The following ARHGEF18 variants were observed in gnomAD, a reference collection of about 807,000 sequenced individuals.
The protein encoded by ARHGEF18 is rho guanine nucleotide exchange factor 18.
A neutral mutation model predicts 155.7 loss-of-function variants in ARHGEF18; 93 were observed. The observed-to-expected ratio is 0.60, with a 90% CI of 0.50 to 0.71. The LOEUF is 0.71. Among genes scored for constraint, ARHGEF18 ranks in the 30% least tolerant of loss-of-function variants. ARHGEF18 has a pLI of 0.00. For missense variants in ARHGEF18, 1,593 were observed against 1,816.1 expected (o/e 0.88, Z 2.23); for synonymous variants, 742 against 753.1 (o/e 0.99, Z 0.24).
chr19:7,445,333 A>G (rs1394315636), intron 14 of ARHGEF18, among the ~76,000 whole-genome samples: 1 of 152,140 alleles, frequency 6.6e-6, no homozygotes, highest in African/African-American at 2.4e-5. Flanking sequence ...CTGTAGTCCC[A>G]GCTACTCAGG....
chr19:7,431,416 T>C (rs750571146), intron 10 of ARHGEF18, among the ~76,000 whole-genome samples: 12 of 142,382 alleles, frequency 8.4e-5, no homozygotes, highest in Non-Finnish European at 1.2e-4. Context: ...ACTCAGGAGG[T>C]TGAGGCAGGG....
chr19:7,478,329 G>C, the ARHGEF18 span: 1 of 1,611,022 alleles, frequency 6.2e-7, no homozygotes, highest in Non-Finnish European at 8.5e-7. Context: ...GAAGGGCGCC[G>C]TGGGGCTCCG....
rs544169401 is a variant in ARHGEF18, at chr19:7,368,678, G to A, written c.16-4134G>A. ...CCAGGCCAAGAGGCTGTCCTGACGT[G>A]TTTATATTTACAGGAGGATGAAAAC... On this transcript the variant is annotated intron_variant, in intron 2 of 28. Transcript: ENST00000668164. Among the ~76,000 whole-genome samples the A allele has an allele frequency of 4.3e-4, 66 of 152,266 alleles. 4 individuals are homozygous for A. The South Asian group carries it at 0.013, about 29-fold the overall frequency.
At chr19:7,368,479 A>C (rs1970044232) in intron 2 of ARHGEF18, among the ~76,000 whole-genome samples, 1 of 152,126 alleles carries the variant, frequency 6.6e-6, no homozygotes, top group Non-Finnish European at 1.5e-5. Flanking sequence ...GCAAGCTCCA[A>C]AATAAAAGAT....
intron 10 of ARHGEF18, among the ~76,000 whole-genome samples, chr19:7,389,273 C>A (rs2145496825): frequency 6.6e-6 from 1 of 151,826 alleles, no homozygotes; most frequent in East Asian, 1.9e-4. Context: ...ACCCTAGCCT[C>A]CCAAGTAGCT....
At chr19:7,449,847 T>C (rs1001953652) in intron 15 of ARHGEF18, among the ~76,000 whole-genome samples, 1 of 152,066 alleles carries the variant, frequency 6.6e-6, no homozygotes, top group Non-Finnish European at 1.5e-5. Context: ...CCAGCTAATA[T>C]TTTAATTTTT....
At position 7,451,257 on chromosome 19, in the gene ARHGEF18, A is replaced by T. The variant is rs1304478714; in HGVS notation, c.1846A>T (p.Asn616Tyr). 1.9e-6 allele frequency: 3 copies of T among 1,613,216 alleles called. No homozygotes were observed. The highest frequency in any genetic ancestry group is 2.5e-6 in the Non-Finnish European group (3 of 1,179,822). The change falls in exon 16 of 29, where the codon AAC (asparagine) becomes TAC (tyrosine). Residue 616 changes from asparagine to tyrosine, a missense_variant. Physicochemically the swap from Asn to Tyr is moderately radical, Grantham distance 143 (BLOSUM62 -2). Transcript: ENST00000668164. ...AGTGCTGGTGGAGCGCATCATCCAG[A>T]ACACGGAAGGTAGGCCTTCTCCCCA... is the stretch of plus-strand genomic sequence containing the variant. ...YPVLVERIIQ[N>Y]TEAGTEDYED...
chr19:7,397,150 G>C (rs941665345), intron 10 of ARHGEF18, among the ~76,000 whole-genome samples: 11 of 149,640 alleles, frequency 7.4e-5, no homozygotes, highest in African/African-American at 2.7e-4. Flanking sequence ...GCAAAAAAGA[G>C]CAAACAGCTG....
At position 7,442,014 on chromosome 19, in the gene ARHGEF18, A is replaced by C. The variant is rs755283090; in HGVS notation, c.1322A>C (p.Gln441Pro). Residue 441 changes from glutamine (Q) to proline (P), a missense_variant, in exon 13 of 29, where the codon CAA becomes CCA. By Grantham distance (76) the Gln-to-Pro change is moderately conservative. Coordinates refer to ENST00000668164, the MANE Select transcript of ARHGEF18 (RefSeq NM_001367823.1). Reference sequence around the variant, plus strand: ...GTGGATGCAGCCTACGCCAAGAAGCAAAAGAGGGAGGTGGTGAAAAGACAA... The same window carrying C: ...GTGGATGCAGCCTACGCCAAGAAGCCAAAGAGGGAGGTGGTGAAAAGACAA... ...LAVDAAYAKKQKREVVKRQDV... is the reference protein window; with the variant it reads ...LAVDAAYAKKPKREVVKRQDV... 2.6e-5 allele frequency: 42 copies of C among 1,613,994 alleles called. No individual in the cohort carries two copies. Among genetic ancestry groups the C allele is most frequent in the Non-Finnish European group, 3.4e-5 (40 of 1,180,038 alleles).
At chr19:7,443,360 C>T (rs12983088) in intron 13 of ARHGEF18, among the ~76,000 whole-genome samples, 40,768 of 151,968 alleles carry the variant, frequency 0.27, 6,728 homozygotes, top group Middle Eastern at 0.46. Flanking sequence ...CGGCCATGCC[C>T]GGCTCATTTT....
At chr19:7,468,785 A>C in intron 26 of ARHGEF18, 40 bp from the exon 27 acceptor site, 3 of 1,492,408 alleles carry the variant, frequency 2.0e-6, no homozygotes, top group Non-Finnish European at 2.7e-6. Context: ...GCCGCACAGC[A>C]GGAACCTCAC....
At position 7,463,682 on chromosome 19, in the gene ARHGEF18, G is replaced by A; in HGVS notation, c.2636-136G>A. On this transcript the variant is annotated intron_variant, in intron 21 of 28. Coordinates refer to ENST00000668164, the MANE Select transcript of ARHGEF18 (RefSeq NM_001367823.1). The surrounding 1 kb of genome is among the most constrained non-coding windows in gnomAD (Gnocchi z 5.2). ...GGGACAGTGGGGCTGAAATCCCACG[G>A]CACACAGAAGGGGGCAGGCGATCAC... The A allele has an allele frequency of 8.9e-7, 1 of 1,122,406 alleles. No individual in the cohort carries two copies. 69.5% of individuals were successfully genotyped at this position (1,122,406 alleles called of 1,614,324 possible).
At chr19:7,406,956 T>C (rs1288119728) in intron 10 of ARHGEF18, among the ~76,000 whole-genome samples, 2 of 148,948 alleles carry the variant, frequency 1.3e-5, no homozygotes, top group Non-Finnish European at 3.0e-5. Context: ...TCCCAGCTAC[T>C]TGGGAGGCTG....
At chr19:7,465,998 C>T (rs536379604) in intron 23 of ARHGEF18, among the ~76,000 whole-genome samples, 2 of 152,126 alleles carry the variant, frequency 1.3e-5, no homozygotes, top group African/African-American at 4.8e-5. Flanking sequence ...GTGGGAGAAT[C>T]GCTTGAACCT....
intron 10 of ARHGEF18, among the ~76,000 whole-genome samples, chr19:7,387,404 G>A (rs996803857): frequency 3.9e-5 from 6 of 151,918 alleles, no homozygotes; most frequent in Non-Finnish European, 8.8e-5. Flanking sequence ...TGCCCGTCTC[G>A]GTCTCCCAAA....
intron 10 of ARHGEF18, among the ~76,000 whole-genome samples, chr19:7,405,673 C>T (rs566046735): frequency 2.6e-5 from 4 of 151,966 alleles, no homozygotes; most frequent in South Asian, 2.1e-4. Flanking sequence ...TGCAGTGGTG[C>T]GATCATAGCT....
At chr19:7,477,504 G>A in the ARHGEF18 span, 2 of 1,258,842 alleles carry the variant, frequency 1.6e-6, no homozygotes, top group South Asian at 3.6e-5. Flanking sequence ...GCCCCTGAAT[G>A]CCCTGTGTGG....
downstream of ARHGEF18, among the ~76,000 whole-genome samples, chr19:7,473,844 A>G (rs1294077176): frequency 6.8e-6 from 1 of 147,582 alleles, no homozygotes; most frequent in Non-Finnish European, 1.5e-5. Context: ...TTAGCCAGGT[A>G]TGGTGGCGTG....
Position 7,367,882 on chromosome 19 carries a change from A to ACACATATAT in ARHGEF18, c.16-4930_16-4929insCACATATAT, listed in dbSNP as rs1568270352. Among the ~76,000 whole-genome samples, 6 of 39,834 alleles carry ACACATATAT rather than the reference A, an allele frequency of 1.5e-4. 1 individual carries two copies. The highest frequency in any genetic ancestry group is 1.5e-3 in the Admixed American group (4 of 2,700). 26.1% of individuals were successfully genotyped at this position (39,834 alleles called of 152,430 possible). On this transcript the variant is annotated intron_variant, in intron 2 of 28. Coordinates refer to ENST00000668164, the MANE Select transcript of ARHGEF18 (RefSeq NM_001367823.1). ...CACATATATATTTTTATATATATAT[A>ACACATATAT]TTTTATATATATTTTTTATATATAT...
Sources: gnomAD v4.1 joint callset for allele counts (sites outside exome capture counted in the v4.1 genomes callset) on GRCh38, gnomAD v4.1.1 for gene constraint, Gnocchi (gnomAD v3.1) non-coding constraint, MANE v1.5 for transcripts, NCBI Gene and HGNC (gene_info 2026-07-23, HGNC 2026-07-21) for gene names.